MICU3: variants seen among roughly 807,000 people sequenced by gnomAD.
MICU3 encodes the protein mitochondrial calcium uptake 3.
Under a neutral mutation model 66.5 loss-of-function variants are expected in MICU3, and 62 were observed. The observed-to-expected ratio is 0.93, with a 90% CI of 0.76 to 1.15. The LOEUF (loss-of-function observed/expected upper bound fraction) is 1.15. Ranked by LOEUF, MICU3 falls within the 50% of genes most tolerant of loss-of-function variation. MICU3 has a pLI of 0.00. For missense variants in MICU3, 779 were observed against 664.4 expected, an observed-to-expected ratio of 1.17 and a Z score of -1.90; for synonymous variants, 308 against 240.7, an observed-to-expected ratio of 1.28 and a Z score of -2.59.
the MICU3 span, chr8:17,132,087 C>G: frequency 6.6e-6 from 1 of 152,116 alleles, no homozygotes; most frequent in Non-Finnish European, 1.5e-5. Flanking sequence ...ATTAATTGCC[C>G]TTTAGAATCA....
chr8:17,064,078 C>T lies in MICU3; in HGVS notation c.382-6C>T, dbSNP rs1361832186. 2.5e-6 allele frequency: 4 copies of T among 1,605,364 alleles called. No individual in the cohort carries two copies. Among genetic ancestry groups the T allele is most frequent in the Non-Finnish European group, 3.4e-6 (4 of 1,175,664 alleles). ...CATCCAAATGTATTTGCTTTCTTAA[C>T]TTTAGGTTGCTATTGGCAGAACAGA... On this transcript the variant is annotated splice_region_variant and splice_polypyrimidine_tract_variant and intron_variant, in intron 1 of 14. Transcript: ENST00000318063.
chr8:17,044,071 C>T (rs999862526), intron 1 of MICU3, among the ~76,000 whole-genome samples: 3 of 152,132 alleles, frequency 2.0e-5, no homozygotes, highest in Non-Finnish European at 2.9e-5. Context: ...TTGCCTTTTG[C>T]TAGCAAATGA....
At chr8:17,135,143 G>A in the MICU3 span, among the ~76,000 whole-genome samples, 7 of 152,174 alleles carry the variant, frequency 4.6e-5, no homozygotes, top group Non-Finnish European at 1.0e-4. Context: ...GCTCATGCCT[G>A]TAATCCCAGC....
downstream of MICU3, among the ~76,000 whole-genome samples, chr8:17,123,391 T>C (rs541078699): frequency 1.8e-4 from 28 of 152,006 alleles, no homozygotes; most frequent in African/African-American, 6.8e-4. Context: ...AAAAATAGAA[T>C]AGAAAAGATA....
At chr8:17,112,110 G>A (rs186644846) in intron 11 of MICU3, among the ~76,000 whole-genome samples, 3 of 152,256 alleles carry the variant, frequency 2.0e-5, no homozygotes, top group African/African-American at 7.2e-5. Context: ...AACATGGGGG[G>A]ATTATAGGTC....
intron 5 of MICU3, among the ~76,000 whole-genome samples, chr8:17,084,492 C>T (rs1173565450): frequency 6.6e-6 from 1 of 151,978 alleles, no homozygotes; most frequent in Non-Finnish European, 1.5e-5. Flanking sequence ...GTACCCCTCC[C>T]CCCGGTCATC....
In MICU3 at chr8:17,086,317, A is replaced by G. The variant is rs140876678; in HGVS notation, c.778-647A>G. The stretch of plus-strand genomic sequence containing the variant: ...AAGAGAAAATATAAAAATCCTCATC[A>G]GAAGCTAACTAGTAGCCATTCAAAG... On this transcript the variant is annotated intron_variant, in intron 6 of 14. Transcript: ENST00000318063. Among the ~76,000 whole-genome samples, 1,280 of 152,174 alleles carry G rather than the reference A, an allele frequency of 8.4e-3. 20 individuals carry two copies. The highest frequency in any genetic ancestry group is 0.029 in the African/African-American group (1,223 of 41,512).
At chr8:17,128,622 A>G in the MICU3 span, among the ~76,000 whole-genome samples, 5 of 152,182 alleles carry the variant, frequency 3.3e-5, no homozygotes, top group Admixed American at 1.3e-4. Context: ...ACCATAAACA[A>G]CTACGACATT....
intron 1 of MICU3, among the ~76,000 whole-genome samples, chr8:17,044,342 G>A (rs1563284225): frequency 6.6e-6 from 1 of 152,186 alleles, no homozygotes; most frequent in Admixed American, 6.5e-5. Flanking sequence ...TTTGGTGATA[G>A]GTTTTACTCA....
chr8:17,115,768 G>T (rs1802621230), intron 12 of MICU3, among the ~76,000 whole-genome samples: 2 of 152,114 alleles, frequency 1.3e-5, no homozygotes, highest in East Asian at 1.9e-4. Context: ...GAATGTTCTG[G>T]TTCCCTGCCT....
chr8:17,120,569 C>T lies in MICU3; in HGVS notation c.*282C>T, dbSNP rs1352670389. On this transcript the variant is annotated 3_prime_UTR_variant, in exon 15 of 15. Transcript: ENST00000318063. Reference sequence around the variant, plus strand: ...CATTCCCTTCAGAAGTATATAGATACTTCCGGTGACTACATATGAATGTAC... The same window carrying T: ...CATTCCCTTCAGAAGTATATAGATATTTCCGGTGACTACATATGAATGTAC... The T allele has an allele frequency of 3.3e-5, 5 of 152,282 alleles. No individual in the cohort carries two copies. Among genetic ancestry groups the T allele is most frequent in the Non-Finnish European group, 5.9e-5 (4 of 67,938 alleles). 9.4% of individuals were successfully genotyped at this position (152,282 alleles called of 1,614,324 possible).
At chr8:17,135,001 A>G in the MICU3 span, among the ~76,000 whole-genome samples, 1 of 152,230 alleles carries the variant, frequency 6.6e-6, no homozygotes, top group Non-Finnish European at 1.5e-5. Flanking sequence ...GTTCAGTTGT[A>G]TATTCTACTT....
rs1803169587 is a variant in MICU3 at position 17,121,165 on chromosome 8, T to A, written c.*878T>A. 6.6e-6 allele frequency: 1 copy of A among 151,910 alleles called. No individual in the cohort carries two copies. Among genetic ancestry groups the A allele is most frequent in the Non-Finnish European group, 1.5e-5 (1 of 67,806 alleles). 9.4% of individuals were successfully genotyped at this position (151,910 alleles called of 1,614,324 possible). On this transcript the variant is annotated 3_prime_UTR_variant, in exon 15 of 15. Transcript: ENST00000318063. The stretch of plus-strand genomic sequence containing the variant: ...AAAATAACGTCTTACACTCTGTAAC[T>A]TACTGCATATTGTTAATGTATGTCT...
At position 17,116,543 on chromosome 8, in the gene MICU3, A is replaced by G. The variant is rs369760634; in HGVS notation, c.1467A>G (p.Gln489=). 8.9e-6 allele frequency: 14 copies of G among 1,566,694 alleles called. No individual in the cohort carries two copies. The African/African-American group carries it at 1.5e-4, about 17-fold the overall frequency. ...TTTTTGATGTTGACAAAGATGATCA[A>G]TTAAGTTATAAAGAATTTATTGGAA... ...FKIFDVDKDD[Q]LSYKEFIGIM... The change falls in exon 13 of 15, where the codon CAA becomes CAG. Residue 489 remains glutamine (Q), a synonymous_variant. Transcript: ENST00000318063.
chr8:17,113,459 C>T (rs1471708229), intron 11 of MICU3, among the ~76,000 whole-genome samples: 3 of 152,306 alleles, frequency 2.0e-5, no homozygotes, highest in East Asian at 3.9e-4. Flanking sequence ...CCAGAAGAGG[C>T]CACCCTGACC....
chr8:17,126,184 T>G (rs2213901), downstream of MICU3, among the ~76,000 whole-genome samples: 1 of 151,872 alleles, frequency 6.6e-6, no homozygotes, highest in Non-Finnish European at 1.5e-5. Context: ...CATTCCTTCT[T>G]ATAGTACAAC....
intron 2 of MICU3, among the ~76,000 whole-genome samples, chr8:17,067,283 A>G (rs1818868872): frequency 6.6e-6 from 1 of 151,090 alleles, no homozygotes; most frequent in Non-Finnish European, 1.5e-5. Context: ...TGGTTATTTA[A>G]TCTTCTGTTT....
intron 1 of MICU3, among the ~76,000 whole-genome samples, chr8:17,030,966 C>T (rs892202154): frequency 3.3e-5 from 5 of 152,060 alleles, no homozygotes; most frequent in Non-Finnish European, 5.9e-5. Context: ...TATCTTAGCT[C>T]TTTTGTATTT....
At chr8:17,067,521 C>T (rs62502368) in intron 2 of MICU3, among the ~76,000 whole-genome samples, 1,899 of 152,078 alleles carry the variant, frequency 0.012, 25 homozygotes, top group South Asian at 0.02. Context: ...CCTCCGCTTC[C>T]TGGGTTCAAG....
Sources: gnomAD v4.1 joint callset for allele counts (sites outside exome capture counted in the v4.1 genomes callset) on GRCh38, gnomAD v4.1.1 for gene constraint, MANE v1.5 for transcripts, NCBI Gene and HGNC (gene_info 2026-07-23, HGNC 2026-07-21) for gene names.